The following GTF2IRD1 variants were observed in gnomAD, a reference collection of about 807,000 sequenced individuals.
The protein encoded by GTF2IRD1 is GTF2I repeat domain containing 1.
Under a neutral mutation model 113.2 loss-of-function variants are expected in GTF2IRD1, and 26 were observed. The observed-to-expected ratio is 0.23, with a 90% confidence interval of 0.17 to 0.32. The LOEUF (loss-of-function observed/expected upper bound fraction) is 0.32. Among genes scored for constraint, GTF2IRD1 ranks in the 10% least tolerant of loss-of-function variants. The pLI is 1.00. For synonymous variants in GTF2IRD1, 484 were observed against 529.1 expected, an observed-to-expected ratio of 0.91 and a Z score of 1.17; for missense variants, 864 against 1,280.8, an observed-to-expected ratio of 0.67 and a Z score of 4.97.
intron 1 of GTF2IRD1, among the ~76,000 whole-genome samples, chr7:74,485,907 CAG>C (rs1244387727): frequency 6.7e-6 from 1 of 150,326 alleles, no homozygotes; most frequent in Non-Finnish European, 1.5e-5. Context: ...GCCTCGGTGA[CAG>C]AGTGAGACCC....
chr7:74,524,114 G>A lies in GTF2IRD1; in HGVS notation c.1050G>A (p.Thr350=), dbSNP rs782693134. 21 of 1,612,824 alleles carry A rather than the reference G, an allele frequency of 1.3e-5. No homozygotes were observed. Among genetic ancestry groups the A allele is most frequent in the East Asian group, 4.5e-5 (2 of 44,866 alleles). The change falls in exon 8 of 27, where the codon ACG becomes ACA. Residue 350 remains threonine, a synonymous_variant. Transcript: ENST00000424337. Reference sequence around the variant, plus strand: ...TAAAGGAAACCGAGGACATCAACACGCTCCGGGAGTGTGTGCAGATCCTGT... The same window carrying A: ...TAAAGGAAACCGAGGACATCAACACACTCCGGGAGTGTGTGCAGATCCTGT... The part of the protein sequence containing the change: ...AFIKETEDIN[T]LRECVQILFN...
chr7:74,458,063 G>A (rs1460134858), intron 1 of GTF2IRD1, among the ~76,000 whole-genome samples: 1 of 151,926 alleles, frequency 6.6e-6, no homozygotes, highest in East Asian at 1.9e-4. Context: ...TAGAGATGGG[G>A]TTTCATCATG....
At chr7:74,478,296 C>T (rs1794543789) in intron 1 of GTF2IRD1, among the ~76,000 whole-genome samples, 1 of 152,190 alleles carries the variant, frequency 6.6e-6, no homozygotes, top group African/African-American at 2.4e-5. Flanking sequence ...GAGCAATCGT[C>T]CCCGTCATCA....
chr7:74,484,734 A>G (rs1794928570), intron 1 of GTF2IRD1, among the ~76,000 whole-genome samples: 1 of 152,176 alleles, frequency 6.6e-6, no homozygotes, highest in African/African-American at 2.4e-5. Flanking sequence ...TTAGGATTAC[A>G]GTCATGAGCC....
At chr7:74,477,308 G>C (rs1216551394) in intron 1 of GTF2IRD1, among the ~76,000 whole-genome samples, 3 of 150,096 alleles carry the variant, frequency 2.0e-5, no homozygotes, top group Non-Finnish European at 4.4e-5. Flanking sequence ...AGGTTGCAGT[G>C]AGCTAAGATC....
At chr7:74,499,148 G>C (rs1554338796) in intron 1 of GTF2IRD1, among the ~76,000 whole-genome samples, 2 of 152,020 alleles carry the variant, frequency 1.3e-5, no homozygotes, top group East Asian at 3.9e-4. Context: ...GGTGAGGGGA[G>C]GCCACGGAAG....
chr7:74,562,150 C>T (rs1450176452), intron 22 of GTF2IRD1, among the ~76,000 whole-genome samples: 1 of 152,248 alleles, frequency 6.6e-6, no homozygotes, highest in Non-Finnish European at 1.5e-5. Context: ...TCAAACTCTC[C>T]CTCACACGGT....
At chr7:74,519,753 G>T in intron 6 of GTF2IRD1, 34 bp downstream of exon 6, 2 of 1,475,270 alleles carry the variant, frequency 1.4e-6, no homozygotes, top group Middle Eastern at 3.6e-4. Flanking sequence ...AAGTCTAGGG[G>T]GTGGGACAGA....
At chr7:74,595,108 A>G in intron 25 of GTF2IRD1, 57 bp downstream of exon 25, 1 of 1,335,802 alleles carries the variant, frequency 7.5e-7, no homozygotes. Context: ...AGACTGTTCC[A>G]TTTGAAAAAA....
intron 2 of GTF2IRD1, among the ~76,000 whole-genome samples, chr7:74,509,715 C>A (rs1796516307): frequency 6.6e-6 from 1 of 151,774 alleles, no homozygotes; most frequent in Non-Finnish European, 1.5e-5. Flanking sequence ...GCTCTGTCGC[C>A]AGGCTGGAGT....
chr7:74,535,243 A>G, intron 10 of GTF2IRD1, 105 bp downstream of exon 10: 1 of 848,798 alleles, frequency 1.2e-6, no homozygotes, highest in Non-Finnish European at 2.1e-6. Context: ...GCCTCCCCTC[A>G]GGCAGGGAGG....
chr7:74,496,510 GGTGTGC>G (rs1189762676), intron 1 of GTF2IRD1, among the ~76,000 whole-genome samples: 6 of 137,732 alleles, frequency 4.4e-5, no homozygotes, highest in South Asian at 2.4e-4. Context: ...TGTTCATGTG[GGTGTGC>G]GTGTGTGGGT....
Position 74,602,436 on chromosome 7 carries a change from C to A in GTF2IRD1, c.*3C>A. ...TCCCGGGACCTCTTAATTACTAGAC[C>A]TCAGTACTGAATCAGGACCTCACTC... is the stretch of plus-strand genomic sequence containing the variant. On this transcript the variant is annotated 3_prime_UTR_variant, in exon 27 of 27. Coordinates refer to ENST00000424337, the MANE Select transcript of GTF2IRD1 (RefSeq NM_005685.4). 6.2e-7 allele frequency: 1 copy of A among 1,611,084 alleles called. No homozygotes were observed. The highest frequency in any genetic ancestry group is 8.5e-7 in the Non-Finnish European group (1 of 1,177,568).
intron 25 of GTF2IRD1, among the ~76,000 whole-genome samples, chr7:74,597,046 C>CT (rs782516833): frequency 3.4e-4 from 49 of 145,844 alleles, no homozygotes; most frequent in Middle Eastern, 3.6e-3. Context: ...GACCCCATCT[C>CT]TTTTTTTTTT....
intron 8 of GTF2IRD1, among the ~76,000 whole-genome samples, chr7:74,525,395 T>C (rs1473619088): frequency 6.6e-6 from 1 of 152,086 alleles, no homozygotes; most frequent in East Asian, 1.9e-4. Flanking sequence ...ACCCCTCTCT[T>C]TGTCCCTAGC....
At chr7:74,545,452 A>G (rs1360006310) in intron 15 of GTF2IRD1, among the ~76,000 whole-genome samples, 2 of 152,136 alleles carry the variant, frequency 1.3e-5, no homozygotes, top group Non-Finnish European at 2.9e-5. Context: ...TGCTACACTC[A>G]GTCACATACC....
chr7:74,521,618 T>C (rs782227004), intron 7 of GTF2IRD1, among the ~76,000 whole-genome samples: 3 of 151,780 alleles, frequency 2.0e-5, no homozygotes, highest in Non-Finnish European at 4.4e-5. Context: ...GAAAAATTAG[T>C]GGATGTGGTG....
At chr7:74,478,259 C>T (rs1794538893) in intron 1 of GTF2IRD1, among the ~76,000 whole-genome samples, 2 of 152,196 alleles carry the variant, frequency 1.3e-5, no homozygotes, top group Non-Finnish European at 2.9e-5. Flanking sequence ...CAGGGGTGGA[C>T]AGCAGCTCGG....
chr7:74,520,089 CAAAAAAAAAAAAAAAA>C (rs61019711), intron 6 of GTF2IRD1, among the ~76,000 whole-genome samples: 1 of 24,588 alleles, frequency 4.1e-5, no homozygotes, highest in Admixed American at 7.4e-4. Flanking sequence ...AGCTCTGTCT[CAAAAAAAAAAAAAAAA>C]AAAAAAAAAA....
Sources: allele counts gnomAD v4.1 joint callset (sites outside exome capture counted in the v4.1 genomes callset), GRCh38; gene constraint gnomAD v4.1.1; transcripts MANE v1.5; gene names NCBI Gene and HGNC (gene_info 2026-07-23, HGNC 2026-07-21).